The following PTPRT variants were observed in gnomAD, a reference collection of about 807,000 sequenced individuals.
The protein encoded by PTPRT is protein tyrosine phosphatase receptor type T.
A neutral mutation model predicts 176.8 loss-of-function variants in PTPRT; 56 were observed. The observed-to-expected ratio is 0.32, with a 90% confidence interval of 0.26 to 0.40. The LOEUF is 0.40. PTPRT is among the 10% of genes least tolerant of loss of function. The pLI is 1.00. For synonymous variants in PTPRT, 783 were observed against 739.0 expected, an observed-to-expected ratio of 1.06 and a Z score of -0.96; for missense variants, 1,540 against 1,908.2, an observed-to-expected ratio of 0.81 and a Z score of 3.60.
chr20:42,668,858 A>ATTTTTTAT (rs2075364496), intron 7 of PTPRT, among the ~76,000 whole-genome samples: 1 of 81,278 alleles, frequency 1.2e-5, no homozygotes, highest in Non-Finnish European at 2.3e-5. Context: ...CGCCCAGCTA[A>ATTTTTTAT]TTTTTTTTTT....
intron 6 of PTPRT, among the ~76,000 whole-genome samples, chr20:42,718,272 T>C (rs1211745240): frequency 6.6e-6 from 1 of 152,208 alleles, no homozygotes; most frequent in Non-Finnish European, 1.5e-5. Flanking sequence ...GCACGGTGGC[T>C]CACGCCTGTA....
chr20:42,391,467 T>C (rs1568838885), intron 9 of PTPRT, among the ~76,000 whole-genome samples: 1 of 152,110 alleles, frequency 6.6e-6, no homozygotes, highest in Non-Finnish European at 1.5e-5. Context: ...GCGGCCAAAC[T>C]TAGTGTGTGG....
In PTPRT at chr20:43,120,798, A is replaced by G. The variant is rs2013231039; in HGVS notation, c.88+68848T>C. ...CAATCAAGCTTTTTGGTTTTCCATA[A>G]ACATTTTTCATGTTTTGCATAGGTA... On this transcript the variant is annotated intron_variant, in intron 1 of 30. Transcript: ENST00000373187. Among the ~76,000 whole-genome samples the G allele has an allele frequency of 2.6e-5, 4 of 152,216 alleles. No homozygotes were observed. The South Asian group carries it at 8.3e-4, about 32-fold the overall frequency.
In PTPRT at chr20:42,643,302, G is replaced by A. The variant is rs143085827; in HGVS notation, c.1153+34564C>T. 2.8e-3 allele frequency among the ~76,000 whole-genome samples: 428 copies of A among 152,150 alleles called. 5 individuals carry two copies. The highest frequency in any genetic ancestry group is 9.9e-3 in the African/African-American group (410 of 41,500). ...TACAAAAACCCATGAGGTACATGCT[G>A]TTATTACCCTTACTTTATTTTATTT... On this transcript the variant is annotated intron_variant, in intron 7 of 30. Coordinates refer to ENST00000373187, the MANE Select transcript of PTPRT (RefSeq NM_007050.6).
rs1334833761 is a variant in PTPRT, at chr20:42,076,129, C to T, written c.*4750G>A. ...GTTCAAACTAAAGACTGAGCTCTGT[C>T]CACCACAACCCCATGCCTTACCCAG... is the stretch of plus-strand genomic sequence containing the variant. On this transcript the variant is annotated 3_prime_UTR_variant, in exon 31 of 31. Transcript: ENST00000373187. 1 of 203,798 alleles carries T rather than the reference C, an allele frequency of 4.9e-6. No homozygotes were observed. Among genetic ancestry groups the T allele is most frequent in the African/African-American group, 2.3e-5 (1 of 43,684 alleles). The allele number at this position is 203,798 out of a possible 1,614,324, so 12.6% of individuals were successfully genotyped here.
At chr20:43,154,212 G>A (rs1481812329) in intron 1 of PTPRT, among the ~76,000 whole-genome samples, 1 of 152,182 alleles carries the variant, frequency 6.6e-6, no homozygotes, top group African/African-American at 2.4e-5. Context: ...TGAGAGATAA[G>A]GATCTAATTT....
At chr20:42,343,059 G>A (rs1235189526) in intron 11 of PTPRT, among the ~76,000 whole-genome samples, 1 of 152,080 alleles carries the variant, frequency 6.6e-6, no homozygotes, top group East Asian at 1.9e-4. Flanking sequence ...CTCCAGGCTA[G>A]AGTTCCCACA....
chr20:42,271,244 G>GC (rs1487010394), intron 13 of PTPRT, among the ~76,000 whole-genome samples: 1 of 152,012 alleles, frequency 6.6e-6, no homozygotes, highest in African/African-American at 2.4e-5. Flanking sequence ...ATTATCAACA[G>GC]CCCCCCACCT....
chr20:42,416,032 A>G (rs1204398225), intron 9 of PTPRT, among the ~76,000 whole-genome samples: 4 of 152,232 alleles, frequency 2.6e-5, no homozygotes, highest in East Asian at 3.9e-4. Flanking sequence ...CCTAAAAGAT[A>G]CATCTGCTCA....
chr20:42,128,188 T>C (rs1019436506), intron 19 of PTPRT, among the ~76,000 whole-genome samples: 3 of 152,228 alleles, frequency 2.0e-5, no homozygotes, highest in African/African-American at 7.2e-5. Context: ...TTTTAAATCA[T>C]ATCTGTGCTT....
chr20:42,916,469 G>C (rs907162297), intron 1 of PTPRT, among the ~76,000 whole-genome samples: 5 of 152,022 alleles, frequency 3.3e-5, no homozygotes, highest in African/African-American at 1.2e-4. Context: ...TAATCCTTTG[G>C]GTATATACCC....
chr20:42,542,565 T>C lies in PTPRT; in HGVS notation c.1154-70003A>G, dbSNP rs2072603074. 1.3e-5 allele frequency among the ~76,000 whole-genome samples: 2 copies of C among 152,170 alleles called. 1 individual carries two copies. Among genetic ancestry groups the C allele is most frequent in the Admixed American group, 1.3e-4 (2 of 15,274 alleles). On this transcript the variant is annotated intron_variant, in intron 7 of 30. Coordinates refer to ENST00000373187, the MANE Select transcript of PTPRT (RefSeq NM_007050.6). ...AAACAAGCACTGTTATGTAATTCTG[T>C]AAGAGCTGAGACGTGACACAATCTA...
chr20:43,053,309 T>C (rs1368662868), intron 1 of PTPRT, among the ~76,000 whole-genome samples: 2 of 152,230 alleles, frequency 1.3e-5, no homozygotes, highest in Non-Finnish European at 2.9e-5. Context: ...TCAGTGCTCA[T>C]ATCTGGATCA....
intron 12 of PTPRT, among the ~76,000 whole-genome samples, chr20:42,312,802 C>CCTTTT (rs2057655143): frequency 8.9e-6 from 1 of 112,372 alleles, no homozygotes; most frequent in Non-Finnish European, 1.8e-5. Flanking sequence ...GAGTGAGATC[C>CCTTTT]TTTTTTTTTT....
At chr20:42,393,377 C>T (rs563436441) in intron 9 of PTPRT, among the ~76,000 whole-genome samples, 1 of 152,292 alleles carries the variant, frequency 6.6e-6, no homozygotes, top group East Asian at 1.9e-4. Context: ...GATTATGCCT[C>T]ATTTCACAGG....
intron 20 of PTPRT, among the ~76,000 whole-genome samples, chr20:42,119,012 GGA>G (rs1987440257): frequency 1.7e-4 from 5 of 29,190 alleles, no homozygotes; most frequent in Admixed American, 7.7e-4. Flanking sequence ...CAGAAAGGAA[GGA>G]AAAAAAAAAA....
intron 7 of PTPRT, among the ~76,000 whole-genome samples, chr20:42,610,645 C>T (rs1569015751): frequency 6.6e-6 from 1 of 152,124 alleles, no homozygotes; most frequent in Non-Finnish European, 1.5e-5. Context: ...GTGTCAGGCA[C>T]ATTTTTTCTT....
At chr20:43,035,881 A>C (rs1391430119) in intron 1 of PTPRT, among the ~76,000 whole-genome samples, 6 of 152,226 alleles carry the variant, frequency 3.9e-5, no homozygotes, top group Admixed American at 6.5e-5. Context: ...GCATCACCAT[A>C]ATGTCCAAGA....
At chr20:42,774,029 C>A (rs1473437724) in intron 4 of PTPRT, among the ~76,000 whole-genome samples, 1 of 152,188 alleles carries the variant, frequency 6.6e-6, no homozygotes, top group Non-Finnish European at 1.5e-5. Context: ...ATCTTCAATT[C>A]CTCTTCTTCC....
Sources: allele counts gnomAD v4.1 joint callset (sites outside exome capture counted in the v4.1 genomes callset), GRCh38; gene constraint gnomAD v4.1.1; transcripts MANE v1.5; gene names NCBI Gene and HGNC (gene_info 2026-07-23, HGNC 2026-07-21).